The following MRC2 variants were observed in gnomAD, a reference collection of about 807,000 sequenced individuals.
MRC2 encodes the protein mannose receptor C-type 2.
Under a neutral mutation model 206.2 loss-of-function variants are expected in MRC2, and 84 were observed. That is an observed-to-expected ratio of 0.41 (90% CI 0.34 to 0.49). MRC2 has a LOEUF of 0.49. Among genes scored for constraint, MRC2 ranks in the 20% least tolerant of loss-of-function variants. The pLI is 0.31. For synonymous variants in MRC2, 798 were observed against 800.0 expected (o/e 1.00, Z 0.04); for missense variants, 1,676 against 2,001.5 (o/e 0.84, Z 3.10).
At chr17:62,637,740 C>T (rs2088342647) in intron 1 of MRC2, among the ~76,000 whole-genome samples, 1 of 152,104 alleles carries the variant, frequency 6.6e-6, no homozygotes, top group South Asian at 2.1e-4. Flanking sequence ...TTCTGATTAC[C>T]CTCAGCTGGA....
intron 1 of MRC2, among the ~76,000 whole-genome samples, chr17:62,655,468 G>T (rs189467310): frequency 6.6e-6 from 1 of 151,586 alleles, no homozygotes; most frequent in East Asian, 2.0e-4. Flanking sequence ...TGTGAACCCT[G>T]GAGGAGGAGC....
intron 13 of MRC2, 187 bp from the exon 14 acceptor site, chr17:62,679,613 C>T: frequency 3.7e-6 from 2 of 534,690 alleles, no homozygotes; most frequent in South Asian, 2.3e-5. Flanking sequence ...CCAGCTCTGT[C>T]TTGTGGGGAG....
At chr17:62,651,197 C>G (rs1295563921) in intron 1 of MRC2, among the ~76,000 whole-genome samples, 1 of 151,964 alleles carries the variant, frequency 6.6e-6, no homozygotes, top group African/African-American at 2.4e-5. Flanking sequence ...AATTCTTCTG[C>G]CTCAGCCTCC....
chr17:62,653,527 C>G (rs917599808), intron 1 of MRC2, among the ~76,000 whole-genome samples: 4 of 152,166 alleles, frequency 2.6e-5, no homozygotes, highest in Admixed American at 1.3e-4. Flanking sequence ...CTTCCTAGAA[C>G]ACAGGATATC....
At chr17:62,641,042 G>A (rs1464243054) in intron 1 of MRC2, among the ~76,000 whole-genome samples, 2 of 151,076 alleles carry the variant, frequency 1.3e-5, no homozygotes, top group Admixed American at 6.6e-5. Flanking sequence ...ACAAGGTCTT[G>A]CTATGTTGCC....
intron 1 of MRC2, among the ~76,000 whole-genome samples, chr17:62,640,362 G>A (rs1034597781): frequency 2.0e-5 from 3 of 152,056 alleles, no homozygotes; most frequent in African/African-American, 7.2e-5. Context: ...CATTGAAAAC[G>A]TACCAGGCAT....
intron 1 of MRC2, among the ~76,000 whole-genome samples, chr17:62,642,398 C>A (rs1173249822): frequency 1.3e-5 from 2 of 152,172 alleles, no homozygotes; most frequent in Admixed American, 1.3e-4. Context: ...CTTACGCTAA[C>A]TTTGACCATT....
Position 62,689,667 on chromosome 17 carries a change from G to T in MRC2, c.3480G>T (p.Leu1160=). ...TGTGTGAGAGCCGCAATGCCAGCCT[G>T]GCCTACGTGCCCGACCCCTACACCC... ...LLLCESRNAS[L]AYVPDPYTQA... Residue 1160 remains leucine, a synonymous_variant, in exon 24 of 30, where the codon CTG becomes CTT. Coordinates refer to ENST00000303375, the MANE Select transcript of MRC2 (RefSeq NM_006039.5). 1 of 1,591,304 alleles carries T rather than the reference G, an allele frequency of 6.3e-7. No homozygotes were observed. The highest frequency in any genetic ancestry group is 8.6e-7 in the Non-Finnish European group (1 of 1,169,046).
At chr17:62,665,713 C>A (rs1226081116) in intron 2 of MRC2, among the ~76,000 whole-genome samples, 1 of 152,074 alleles carries the variant, frequency 6.6e-6, no homozygotes, top group Non-Finnish European at 1.5e-5. Flanking sequence ...CCTGGGAGAC[C>A]CCCTGAGTTC....
rs1376973275 is a variant in MRC2, at chr17:62,664,502, C to G, written c.119-46C>G. The G allele has an allele frequency of 1.3e-6, 2 of 1,562,962 alleles. No homozygotes were observed. The highest frequency in any genetic ancestry group is 2.7e-5 in the African/African-American group (2 of 74,012). ...AGCCACACCGGTCATCAAGGGCCAACCAGGAGAGCCCCTGTGATGCCTTCG... is the reference window on the plus strand; with the variant it reads ...AGCCACACCGGTCATCAAGGGCCAAGCAGGAGAGCCCCTGTGATGCCTTCG... On this transcript the variant is annotated intron_variant, in intron 1 of 29. Coordinates refer to ENST00000303375, the MANE Select transcript of MRC2 (RefSeq NM_006039.5). This position sits in a 1 kb window ranked among gnomAD's most constrained non-coding sequence, Gnocchi z 4.7.
chr17:62,682,518 G>A, intron 20 of MRC2, 141 bp downstream of exon 20: 1 of 982,148 alleles, frequency 1.0e-6, no homozygotes, highest in East Asian at 2.9e-5. Flanking sequence ...TCTTTCACCT[G>A]GCTCCAGTAC....
At chr17:62,688,450 C>T in intron 21 of MRC2, 47 bp downstream of exon 21, 3 of 1,614,124 alleles carry the variant, frequency 1.9e-6, no homozygotes, top group Non-Finnish European at 2.5e-6. Context: ...GACACTGTCC[C>T]CCCAAATAGC....
Position 62,680,441 on chromosome 17 carries a change from G to A in MRC2, c.2461G>A (p.Asp821Asn), listed in dbSNP as rs774833337. Reference protein sequence around the residue: ...PRGTDVREPDDSPQGRREWLR... With the variant: ...PRGTDVREPDNSPQGRREWLR... ...AGGTACGGACGTGCGGGAGCCCGAC[G>A]ACAGCCCTCAAGGTGAGCACCCCCC... is the stretch of plus-strand genomic sequence containing the variant. Residue 821 changes from aspartate to asparagine, a missense_variant, in exon 16 of 30, where the codon GAC becomes AAC. Around this residue, in one of 3 missense-constraint regions of MRC2, gnomAD observed 1,354 missense variants for 1,636.6 expected, o/e 0.83. Coordinates refer to ENST00000303375, the MANE Select transcript of MRC2 (RefSeq NM_006039.5). This position sits in a 1 kb window ranked among gnomAD's most constrained non-coding sequence, Gnocchi z 4.8. 1.9e-6 allele frequency: 3 copies of A among 1,614,024 alleles called. No homozygotes were observed. In the South Asian group the frequency reaches 3.3e-5, roughly 18 times the overall value.
At chr17:62,639,735 C>T (rs551627941) in intron 1 of MRC2, among the ~76,000 whole-genome samples, 13 of 152,294 alleles carry the variant, frequency 8.5e-5, no homozygotes, top group Non-Finnish European at 1.2e-4. Context: ...AGCAATGCTC[C>T]CGCCTAAGCC....
In MRC2 at chr17:62,657,102, C is replaced by T. The variant is rs181233842; in HGVS notation, c.119-7446C>T. Among the ~76,000 whole-genome samples the T allele has an allele frequency of 4.6e-5, 7 of 152,308 alleles. No individual in the cohort carries two copies. In the East Asian group the frequency reaches 1.2e-3, roughly 25 times the overall value. ...CAAGAGTGAGCCTTGTGCCCACCCA[C>T]ACATCCACATAGCCAGAGGTACACA... On this transcript the variant is annotated intron_variant, in intron 1 of 29. Transcript: ENST00000303375.
rs1442415429 is a variant in MRC2 at position 62,690,203 on chromosome 17, G to A, written c.3790G>A (p.Gly1264Arg). Residue 1264 changes from glycine (G) to arginine (R), a missense_variant, in exon 26 of 30, where the codon GGA becomes AGA. Transcript: ENST00000303375. ...RISYHGSCPQ[G>R]LADSAWIPFR... is the part of the protein sequence containing the mutation. ...AAGCTACCATGGCAGCTGTCCCCAG[G>A]GACTGGCAGACTCCGCGTGGATTCC... 1 of 1,612,258 alleles carries A rather than the reference G, an allele frequency of 6.2e-7. No homozygotes were observed. Among genetic ancestry groups the A allele is most frequent in the South Asian group, 1.1e-5 (1 of 91,034 alleles).
In MRC2 at chr17:62,666,401, C is replaced by T. The variant is rs1382391185; in HGVS notation, c.695-54C>T. On this transcript the variant is annotated intron_variant, in intron 3 of 29. Coordinates refer to ENST00000303375, the MANE Select transcript of MRC2 (RefSeq NM_006039.5). The surrounding 1 kb of genome is among the most constrained non-coding windows in gnomAD (Gnocchi z 5.0). ...TAGCCTTTTGGTGGGGGAGGGTCTG[C>T]ACTCCCGAGGGACCCTGGAGGGGGC... 6.2e-7 allele frequency: 1 copy of T among 1,610,300 alleles called. No individual in the cohort carries two copies. Among genetic ancestry groups the T allele is most frequent in the African/African-American group, 1.3e-5 (1 of 74,844 alleles).
At chr17:62,650,347 G>C (rs554576328) in intron 1 of MRC2, among the ~76,000 whole-genome samples, 1 of 152,344 alleles carries the variant, frequency 6.6e-6, no homozygotes, top group African/African-American at 2.4e-5. Context: ...GTGGCAAACC[G>C]GTGAGCCCAC....
intron 28 of MRC2, among the ~76,000 whole-genome samples, chr17:62,691,861 C>T (rs111284089): frequency 0.01 from 1,592 of 152,068 alleles, 34 homozygotes; most frequent in African/African-American, 0.037. Context: ...GGGCTGACAC[C>T]CAGGCCTCCC....
Sources: allele counts gnomAD v4.1 joint callset (sites outside exome capture counted in the v4.1 genomes callset), GRCh38; gene constraint gnomAD v4.1.1; regional missense constraint gnomAD v4.1.1; non-coding constraint Gnocchi (gnomAD v3.1); transcripts MANE v1.5; gene names NCBI Gene and HGNC (gene_info 2026-07-23, HGNC 2026-07-21).